The following PPP1R12B variants were observed in gnomAD, a reference collection of about 807,000 sequenced individuals.
PPP1R12B encodes the protein myosin phosphatase target subunit 2.
A neutral mutation model predicts 126.1 loss-of-function variants in PPP1R12B; 76 were observed. The ratio of observed to expected loss-of-function variants is 0.60; its 90% CI spans 0.50 to 0.73. PPP1R12B has a LOEUF of 0.73. Ranked by LOEUF, PPP1R12B falls within the 30% of genes least tolerant of loss-of-function variation. The pLI is 0.00. For missense variants in PPP1R12B, 1,052 were observed against 1,205.1 expected, an observed-to-expected ratio of 0.87 and a Z score of 1.88; for synonymous variants, 356 against 434.7, an observed-to-expected ratio of 0.82 and a Z score of 2.25.
intron 1 of PPP1R12B, among the ~76,000 whole-genome samples, chr1:202,380,641 T>C (rs1327257455): frequency 6.6e-6 from 1 of 152,194 alleles, no homozygotes; most frequent in Non-Finnish European, 1.5e-5. Context: ...TGTCAATAGA[T>C]ACCTTCTCTC....
intron 18 of PPP1R12B, among the ~76,000 whole-genome samples, chr1:202,500,901 A>G (rs1680155627): frequency 6.6e-6 from 1 of 152,234 alleles, no homozygotes; most frequent in Admixed American, 6.5e-5. Flanking sequence ...CTAGTCATGC[A>G]TTGCTATGCT....
chr1:202,504,208 A>G (rs942257141), intron 18 of PPP1R12B, among the ~76,000 whole-genome samples: 3 of 152,132 alleles, frequency 2.0e-5, no homozygotes, highest in Non-Finnish European at 2.9e-5. Flanking sequence ...CAGCCTGGTC[A>G]ACAGTGAAAC....
chr1:202,365,512 C>A (rs150817736), intron 1 of PPP1R12B, among the ~76,000 whole-genome samples: 7 of 152,186 alleles, frequency 4.6e-5, no homozygotes, highest in African/African-American at 1.7e-4. Context: ...TAAAAATTAT[C>A]TTTACATCAA....
intron 1 of PPP1R12B, among the ~76,000 whole-genome samples, chr1:202,412,359 A>T (rs558035998): frequency 1.3e-5 from 2 of 152,324 alleles, no homozygotes; most frequent in South Asian, 4.1e-4. Flanking sequence ...GAACTGAAGT[A>T]GTGATGAGGT....
At chr1:202,441,897 C>T (rs1671669234) in intron 11 of PPP1R12B, among the ~76,000 whole-genome samples, 2 of 152,004 alleles carry the variant, frequency 1.3e-5, no homozygotes, top group African/African-American at 2.4e-5. Context: ...CACTCTGTCG[C>T]CCAGGCTGGA....
chr1:202,383,234 G>T (rs1662626049), intron 1 of PPP1R12B, among the ~76,000 whole-genome samples: 1 of 152,170 alleles, frequency 6.6e-6, no homozygotes, highest in Non-Finnish European at 1.5e-5. Context: ...GTTTAACTGT[G>T]CCCAGCTGAC....
rs1298310897 is a variant in PPP1R12B at position 202,348,988 on chromosome 1, T to A, written c.137T>A (p.Leu46Gln). Residue 46 changes from leucine to glutamine, a missense_variant, in exon 1 of 24, where the codon CTG becomes CAG. Coordinates refer to ENST00000608999, the MANE Select transcript of PPP1R12B (RefSeq NM_002481.4). ...AERRGAGRQP[L>Q]TRRGSPRVRF... ...CGACGAGGCGCGGGGCGGCAGCCGC[T>A]GACCAGGCGCGGGAGCCCCAGGGTC... is the stretch of plus-strand genomic sequence containing the variant. 2.5e-6 allele frequency: 4 copies of A among 1,605,816 alleles called. No homozygotes were observed. Among genetic ancestry groups the A allele is most frequent in the Admixed American group, 1.7e-5 (1 of 58,014 alleles).
In PPP1R12B at chr1:202,377,832, G is replaced by GTTTTTT. The variant is rs74860606; in HGVS notation, c.291+28712_291+28717dup. On this transcript the variant is annotated intron_variant, in intron 1 of 23. Transcript: ENST00000608999. ...GGAGAAAGAAAGGTCAAAGACAGGTGTTTTTTTTTTTTTTTTTTTTTTTTT... is the reference window on the plus strand; with the variant it reads ...GGAGAAAGAAAGGTCAAAGACAGGTGTTTTTTTTTTTTTTTTTTTTTTTTTTTTTTT... 2.2e-3 allele frequency among the ~76,000 whole-genome samples: 215 copies of GTTTTTT among 97,262 alleles called. 49 individuals are homozygous for GTTTTTT. Among genetic ancestry groups the GTTTTTT allele is most frequent in the African/African-American group, 1.0e-2 (201 of 20,136 alleles). 63.8% of individuals were successfully genotyped at this position (97,262 alleles called of 152,430 possible).
At chr1:202,481,768 C>T (rs1472757107) in intron 13 of PPP1R12B, among the ~76,000 whole-genome samples, 4 of 152,080 alleles carry the variant, frequency 2.6e-5, no homozygotes, top group Non-Finnish European at 5.9e-5. Context: ...TTGTAATATA[C>T]AATATTTTGC....
In PPP1R12B at chr1:202,389,240, A is replaced by G. The variant is rs1314388621; in HGVS notation, c.292-27547A>G. ...GTAAAATGAAACTCAGAACTTTTCT[A>G]TGACAAAAAACATCCTAAAAAAAGT... On this transcript the variant is annotated intron_variant, in intron 1 of 23. Coordinates refer to ENST00000608999, the MANE Select transcript of PPP1R12B (RefSeq NM_002481.4). Among the ~76,000 whole-genome samples the G allele has an allele frequency of 3.9e-5, 6 of 152,358 alleles. No individual in the cohort carries two copies. The South Asian group carries it at 6.2e-4, about 16-fold the overall frequency.
At chr1:202,556,693 C>T (rs985395092) in intron 18 of PPP1R12B, among the ~76,000 whole-genome samples, 1 of 152,120 alleles carries the variant, frequency 6.6e-6, no homozygotes, top group African/African-American at 2.4e-5. Context: ...TTGCTTCAGG[C>T]GAACTTGTTA....
chr1:202,565,149 C>T lies in PPP1R12B; in HGVS notation c.2757+602C>T, dbSNP rs970691536. 6.6e-6 allele frequency among the ~76,000 whole-genome samples: 1 copy of T among 152,232 alleles called. No individual in the cohort carries two copies. Among genetic ancestry groups the T allele is most frequent in the Non-Finnish European group, 1.5e-5 (1 of 68,040 alleles). On this transcript the variant is annotated intron_variant, in intron 21 of 23. Transcript: ENST00000608999. This position sits in a 1 kb window ranked among gnomAD's most constrained non-coding sequence, Gnocchi z 4.3. ...CAGAAAGACTGATAAACTATTTCCTCTCACTGCCAGGTTTGATTTAATTAG... is the reference window on the plus strand; with the variant it reads ...CAGAAAGACTGATAAACTATTTCCTTTCACTGCCAGGTTTGATTTAATTAG...
At chr1:202,481,770 A>G (rs1184273826) in intron 13 of PPP1R12B, among the ~76,000 whole-genome samples, 1 of 152,150 alleles carries the variant, frequency 6.6e-6, no homozygotes, top group African/African-American at 2.4e-5. Flanking sequence ...GTAATATACA[A>G]TATTTTGCTT....
chr1:202,404,339 G>GC (rs1666281571), intron 1 of PPP1R12B, among the ~76,000 whole-genome samples: 1 of 151,940 alleles, frequency 6.6e-6, no homozygotes, highest in South Asian at 2.1e-4. Context: ...GTCTATGCAT[G>GC]CATAGAATTC....
At chr1:202,553,102 T>C (rs1686489824) in intron 18 of PPP1R12B, among the ~76,000 whole-genome samples, 1 of 152,236 alleles carries the variant, frequency 6.6e-6, no homozygotes, top group African/African-American at 2.4e-5. Context: ...ATGAGATTAT[T>C]ACGGGAGAAT....
rs184060822 is a variant in PPP1R12B, at chr1:202,422,671, A to G, written c.474A>G (p.Glu158=). 297 of 1,613,870 alleles carry G rather than the reference A, an allele frequency of 1.8e-4. 3 individuals are homozygous for G. The East Asian group carries it at 4.7e-3, about 25-fold the overall frequency. The part of the protein sequence containing the change: ...ASVGIVNSEG[E]VPSDLAEEPA... ...TAGGTATTGTCAATAGTGAAGGTGA[A>G]GTTCCCTCTGACCTTGCAGAAGAGC... The change falls in exon 3 of 24, where the codon GAA becomes GAG. Residue 158 remains glutamate, a synonymous_variant. Coordinates refer to ENST00000608999, the MANE Select transcript of PPP1R12B (RefSeq NM_002481.4).
Position 202,583,284 on chromosome 1 carries a change from C to T in PPP1R12B, c.*2724C>T, listed in dbSNP as rs558776394. 2 of 152,300 alleles carry T rather than the reference C, an allele frequency of 1.3e-5. No homozygotes were observed. Among genetic ancestry groups the T allele is most frequent in the Admixed American group, 1.3e-4 (2 of 15,304 alleles). The allele number at this position is 152,300 out of a possible 1,614,324, so 9.4% of individuals were successfully genotyped here. A position where few individuals can be genotyped will look rare whatever the true frequency, so the allele number is the denominator to read the frequency against. ...CAGGGAAAGGGGTTACAGAGAGCCT[C>T]CTCAGATCTGTTTGTGCCTTTCAAA... On this transcript the variant is annotated 3_prime_UTR_variant, in exon 24 of 24. Transcript: ENST00000608999.
At chr1:202,371,001 C>CTTTTTTTT (rs774584500) in intron 1 of PPP1R12B, among the ~76,000 whole-genome samples, 4 of 109,126 alleles carry the variant, frequency 3.7e-5, no homozygotes, top group Non-Finnish European at 7.6e-5. Context: ...TGCTCCACAT[C>CTTTTTTTT]TTTTTTTTTT....
At chr1:202,470,486 G>A (rs1029045233) in intron 13 of PPP1R12B, among the ~76,000 whole-genome samples, 2 of 152,090 alleles carry the variant, frequency 1.3e-5, no homozygotes, top group African/African-American at 4.8e-5. Flanking sequence ...CACAGTAACT[G>A]TATTTTAAAT....
Sources: allele counts gnomAD v4.1 joint callset (sites outside exome capture counted in the v4.1 genomes callset), GRCh38; gene constraint gnomAD v4.1.1; non-coding constraint Gnocchi (gnomAD v3.1); transcripts MANE v1.5; gene names NCBI Gene and HGNC (gene_info 2026-07-23, HGNC 2026-07-21).